FBXO42: variants seen among roughly 807,000 people sequenced by gnomAD.
The protein encoded by FBXO42 is F-box only protein 42.
Under a neutral mutation model 71.7 loss-of-function variants are expected in FBXO42, and 12 were observed. That is an observed-to-expected ratio of 0.17 (90% CI 0.11 to 0.27). The LOEUF is 0.27. FBXO42 is among the 10% of genes least tolerant of loss of function. The pLI is 1.00. For synonymous variants in FBXO42, 325 were observed against 327.5 expected, an observed-to-expected ratio of 0.99 and a Z score of 0.08; for missense variants, 707 against 911.9, an observed-to-expected ratio of 0.78 and a Z score of 2.89.
At position 16,250,236 on chromosome 1, in the gene FBXO42, C is replaced by G. The variant is rs2081576877; in HGVS notation, c.*434G>C. ...AGCATGAGAGTCTAAAACCCTCCACCTTTGCAACTTACATATGCCCTTTCA... is the reference window on the plus strand; with the variant it reads ...AGCATGAGAGTCTAAAACCCTCCACGTTTGCAACTTACATATGCCCTTTCA... On this transcript the variant is annotated 3_prime_UTR_variant, in exon 10 of 10. Transcript: ENST00000375592. This position sits in a 1 kb window ranked among gnomAD's most constrained non-coding sequence, Gnocchi z 4.7. 6.6e-6 allele frequency: 1 copy of G among 152,482 alleles called. No individual in the cohort carries two copies. Among genetic ancestry groups the G allele is most frequent in the South Asian group, 2.1e-4 (1 of 4,836 alleles). The allele number at this position is 152,482 out of a possible 1,614,324, so 9.4% of individuals were successfully genotyped here.
At chr1:16,345,843 G>A (rs1398788286) in intron 1 of FBXO42, among the ~76,000 whole-genome samples, 7 of 96,946 alleles carry the variant, frequency 7.2e-5, no homozygotes, top group South Asian at 3.4e-4. Flanking sequence ...GCGAGACTCC[G>A]TCTCAAAAAA....
intron 2 of FBXO42, 69 bp from the exon 3 acceptor site, chr1:16,305,988 C>A: frequency 9.6e-7 from 1 of 1,043,864 alleles, no homozygotes; most frequent in Non-Finnish European, 1.5e-6. Context: ...AAAACTGTGT[C>A]TATTACCTGT....
intron 2 of FBXO42, among the ~76,000 whole-genome samples, chr1:16,313,370 A>AAGAAAGAG (rs1553153871): frequency 1.5e-4 from 22 of 146,442 alleles, no homozygotes; most frequent in South Asian, 2.2e-4. Context: ...GAAAGAAAGA[A>AAGAAAGAG]AGAGAAAAGA....
chr1:16,324,686 G>A (rs928902145), intron 1 of FBXO42, among the ~76,000 whole-genome samples: 1 of 152,252 alleles, frequency 6.6e-6, no homozygotes, highest in Non-Finnish European at 1.5e-5. Context: ...CCATGGTGGC[G>A]CACACCTGTA....
intron 1 of FBXO42, among the ~76,000 whole-genome samples, chr1:16,317,002 C>T (rs1000048001): frequency 2.6e-5 from 4 of 151,920 alleles, no homozygotes; most frequent in South Asian, 2.1e-4. Context: ...GATAGAAGGC[C>T]GGATGCAGTG....
chr1:16,258,620 G>A (rs2081674902), intron 4 of FBXO42, among the ~76,000 whole-genome samples: 1 of 152,134 alleles, frequency 6.6e-6, no homozygotes, highest in Non-Finnish European at 1.5e-5. Flanking sequence ...GCCTTTCGAA[G>A]TGTTAGGATT....
intron 4 of FBXO42, among the ~76,000 whole-genome samples, chr1:16,281,473 T>TG (rs200580135): frequency 0.055 from 7,696 of 140,146 alleles, 617 homozygotes; most frequent in African/African-American, 0.18. Context: ...TCTTTTTTTG[T>TG]TTTTTTTTTT....
intron 4 of FBXO42, among the ~76,000 whole-genome samples, chr1:16,277,535 GC>G (rs1314613817): frequency 1.3e-5 from 2 of 151,514 alleles, no homozygotes; most frequent in African/African-American, 4.9e-5. Flanking sequence ...GACCAGCCTG[GC>G]CAACACGGTG....
At chr1:16,318,953 C>T (rs1350190769) in intron 1 of FBXO42, among the ~76,000 whole-genome samples, 1 of 152,192 alleles carries the variant, frequency 6.6e-6, no homozygotes, top group African/African-American at 2.4e-5. Context: ...CTTCAGCCAG[C>T]CTCCTTACAG....
chr1:16,297,728 G>T (rs975974734), intron 3 of FBXO42, among the ~76,000 whole-genome samples: 1 of 151,970 alleles, frequency 6.6e-6, no homozygotes, highest in Non-Finnish European at 1.5e-5. Context: ...TTAGCCGGGC[G>T]TGGTGGCAGG....
intron 1 of FBXO42, among the ~76,000 whole-genome samples, chr1:16,338,354 CAAAAA>C (rs55865669): frequency 9.2e-6 from 1 of 108,152 alleles, no homozygotes; most frequent in African/African-American, 3.8e-5. Flanking sequence ...GCCCTATCTC[CAAAAA>C]AAAAAAAAAA....
chr1:16,275,833 ACC>A (rs2081894542), intron 4 of FBXO42, among the ~76,000 whole-genome samples: 1 of 151,504 alleles, frequency 6.6e-6, no homozygotes, highest in African/African-American at 2.4e-5. Flanking sequence ...ACATGGCAAA[ACC>A]CCGTCTCTAC....
chr1:16,305,800 T>C lies in FBXO42; in HGVS notation c.367+3A>G, dbSNP rs1209208120. 2 of 1,610,652 alleles carry C rather than the reference T, an allele frequency of 1.2e-6. No individual in the cohort carries two copies. The highest frequency in any genetic ancestry group is 2.2e-5 in the South Asian group (2 of 91,004). On this transcript the variant is annotated splice_donor_region_variant and intron_variant, in intron 3 of 9. Coordinates refer to ENST00000375592, the MANE Select transcript of FBXO42 (RefSeq NM_018994.3). Reference sequence around the variant, plus strand: ...GGAATCTGCTTTCACAGTAAATACTTACTGTGCGAGAAGCGCTGAGTGATT... The same window carrying C: ...GGAATCTGCTTTCACAGTAAATACTCACTGTGCGAGAAGCGCTGAGTGATT...
At chr1:16,300,094 A>G (rs2082175399) in intron 3 of FBXO42, among the ~76,000 whole-genome samples, 1 of 152,198 alleles carries the variant, frequency 6.6e-6, no homozygotes, top group Admixed American at 6.6e-5. Flanking sequence ...GAATTTGAGC[A>G]ACTCCCAGTG....
chr1:16,297,308 A>C (rs960378404), intron 3 of FBXO42, among the ~76,000 whole-genome samples: 8 of 152,014 alleles, frequency 5.3e-5, no homozygotes, highest in Non-Finnish European at 1.0e-4. Context: ...TCTCTACGGT[A>C]AGAAGGCCAA....
At chr1:16,332,613 T>C (rs1474166703) in intron 1 of FBXO42, among the ~76,000 whole-genome samples, 1 of 151,380 alleles carries the variant, frequency 6.6e-6, no homozygotes, top group Non-Finnish European at 1.5e-5. Flanking sequence ...CAACCTCAGC[T>C]CACTGCAACC....
At chr1:16,319,221 G>A (rs2082393830) in intron 1 of FBXO42, among the ~76,000 whole-genome samples, 1 of 152,176 alleles carries the variant, frequency 6.6e-6, no homozygotes, top group Admixed American at 6.5e-5. Context: ...GATCTGAAAT[G>A]TTCCAAAAAG....
At chr1:16,303,655 C>T (rs112035070) in intron 3 of FBXO42, among the ~76,000 whole-genome samples, 2,996 of 152,004 alleles carry the variant, frequency 0.02, 84 homozygotes, top group African/African-American at 0.069. Context: ...GCAACCTCCG[C>T]CTCCCGGGTT....
At chr1:16,332,545 C>CT (rs796485216) in intron 1 of FBXO42, among the ~76,000 whole-genome samples, 36,418 of 141,576 alleles carry the variant, frequency 0.26, 5,331 homozygotes, top group Non-Finnish European at 0.34. Flanking sequence ...ATTTCTTTTC[C>CT]TTTTTTTTTT....
Sources: gnomAD v4.1 joint callset for allele counts (sites outside exome capture counted in the v4.1 genomes callset) on GRCh38, gnomAD v4.1.1 for gene constraint, Gnocchi (gnomAD v3.1) non-coding constraint, MANE v1.5 for transcripts, NCBI Gene and HGNC (gene_info 2026-07-23, HGNC 2026-07-21) for gene names.